The following STARD13 variants were observed in gnomAD, a reference collection of about 807,000 sequenced individuals.
The protein encoded by STARD13 is StAR related lipid transfer domain containing 13, also known as stAR-related lipid transfer protein 13.
A neutral mutation model predicts 106.4 loss-of-function variants in STARD13; 62 were observed. That is an observed-to-expected ratio of 0.58 (90% CI 0.48 to 0.72). The LOEUF (loss-of-function observed/expected upper bound fraction) is 0.72, where lower values mean the gene tolerates loss of function less well. Among genes scored for constraint, STARD13 ranks in the 30% least tolerant of loss-of-function variants. STARD13 has a pLI of 0.00. For synonymous variants in STARD13, 565 were observed against 553.0 expected, an observed-to-expected ratio of 1.02 and a Z score of -0.31; for missense variants, 1,387 against 1,424.0, an observed-to-expected ratio of 0.97 and a Z score of 0.42.
the STARD13 span, among the ~76,000 whole-genome samples, chr13:33,425,541 G>A: frequency 2.6e-5 from 4 of 152,066 alleles, no homozygotes; most frequent in Admixed American, 6.5e-5. Flanking sequence ...GTAATGATTG[G>A]GATCTTTCAC....
intron 1 of STARD13, among the ~76,000 whole-genome samples, chr13:33,216,952 A>G (rs1483997804): frequency 6.6e-6 from 1 of 152,184 alleles, no homozygotes; most frequent in African/African-American, 2.4e-5. Context: ...CAGGGAATCA[A>G]GGCCTTTAGT....
the STARD13 span, among the ~76,000 whole-genome samples, chr13:33,508,421 T>C: frequency 6.6e-6 from 1 of 152,146 alleles, no homozygotes; most frequent in African/African-American, 2.4e-5. Context: ...TGGAAAAAAA[T>C]GTATACTGAT....
chr13:33,137,991 C>T (rs1052233115), intron 4 of STARD13, among the ~76,000 whole-genome samples: 6 of 152,220 alleles, frequency 3.9e-5, no homozygotes, highest in African/African-American at 1.4e-4. Flanking sequence ...CGACGGCATC[C>T]AGGCCAGGAG....
the STARD13 span, chr13:33,657,577 C>A: frequency 6.6e-6 from 1 of 152,218 alleles, no homozygotes; most frequent in South Asian, 2.1e-4. Context: ...AACTTAGGGA[C>A]ATGTTTGGGA....
At chr13:33,482,138 C>G in the STARD13 span, among the ~76,000 whole-genome samples, 1 of 151,996 alleles carries the variant, frequency 6.6e-6, no homozygotes, top group Non-Finnish European at 1.5e-5. Context: ...TACAATTTTA[C>G]TGATGAATTG....
chr13:33,437,422 C>T, the STARD13 span, among the ~76,000 whole-genome samples: 1 of 152,172 alleles, frequency 6.6e-6, no homozygotes, highest in Non-Finnish European at 1.5e-5. Context: ...AAACCCCTTC[C>T]TTCTTTAACT....
At chr13:33,466,930 A>G in the STARD13 span, among the ~76,000 whole-genome samples, 2 of 152,160 alleles carry the variant, frequency 1.3e-5, no homozygotes, top group East Asian at 3.8e-4. Flanking sequence ...CATACTTGGC[A>G]TTCTTCCTGA....
chr13:33,410,140 T>G, the STARD13 span, among the ~76,000 whole-genome samples: 1 of 152,240 alleles, frequency 6.6e-6, no homozygotes, highest in Admixed American at 6.5e-5. Context: ...AATGCAAGCT[T>G]AATAAAAATC....
chr13:33,187,251 C>T (rs1422346576), intron 1 of STARD13, among the ~76,000 whole-genome samples: 5 of 152,188 alleles, frequency 3.3e-5, no homozygotes, highest in Non-Finnish European at 7.3e-5. Flanking sequence ...GGGTCCCGCT[C>T]TATCGGGGTC....
the STARD13 span, among the ~76,000 whole-genome samples, chr13:33,388,896 G>A: frequency 2.0e-5 from 3 of 151,756 alleles, no homozygotes; most frequent in East Asian, 1.9e-4. Flanking sequence ...CTAGTACCTC[G>A]CTGACTCTTT....
At chr13:33,505,905 CA>C in the STARD13 span, among the ~76,000 whole-genome samples, 1 of 152,066 alleles carries the variant, frequency 6.6e-6, no homozygotes, top group Non-Finnish European at 1.5e-5. Flanking sequence ...TTTGCAAGGT[CA>C]AAATTATTTT....
At chr13:33,377,192 A>G in the STARD13 span, among the ~76,000 whole-genome samples, 2 of 152,196 alleles carry the variant, frequency 1.3e-5, no homozygotes, top group African/African-American at 4.8e-5. Flanking sequence ...CTCCTTTTCC[A>G]TCAATAATGA....
the STARD13 span, among the ~76,000 whole-genome samples, chr13:33,667,116 C>T: frequency 1.3e-5 from 2 of 152,208 alleles, no homozygotes; most frequent in Non-Finnish European, 2.9e-5. Context: ...ATATTTTCCT[C>T]TCTGACCACA....
chr13:33,145,086 A>T (rs1880349541), intron 3 of STARD13, among the ~76,000 whole-genome samples: 1 of 152,216 alleles, frequency 6.6e-6, no homozygotes, highest in Admixed American at 6.5e-5. Context: ...CCTGTACCTT[A>T]CAAATTGCTT....
chr13:33,670,599 G>T, the STARD13 span, among the ~76,000 whole-genome samples: 2 of 152,082 alleles, frequency 1.3e-5, no homozygotes, highest in Admixed American at 6.5e-5. Flanking sequence ...TTTTTGTTTT[G>T]ATGCTGTCGT....
At chr13:33,344,683 T>G (rs148633047), downstream of STARD13, among the ~76,000 whole-genome samples, 1 of 152,322 alleles carries the variant, frequency 6.6e-6, no homozygotes, top group African/African-American at 2.4e-5. Context: ...AACTTGAACT[T>G]TTCACTGTTT....
the STARD13 span, among the ~76,000 whole-genome samples, chr13:33,535,441 G>C: frequency 6.6e-6 from 1 of 151,990 alleles, no homozygotes; most frequent in Non-Finnish European, 1.5e-5. Flanking sequence ...AATATATTTT[G>C]TATTTTAAGT....
At chr13:33,369,281 T>C in the STARD13 span, among the ~76,000 whole-genome samples, 89 of 152,096 alleles carry the variant, frequency 5.9e-4, no homozygotes, top group Admixed American at 1.1e-3. Context: ...TTCGTTTTTC[T>C]GCTGACACAG....
chr13:33,190,568 GTTTTC>G lies in STARD13; in HGVS notation c.170-22951_170-22947del, dbSNP rs1232537667. ...ACTGTTGGAATACTGCACCCATTTC[GTTTTC>G]TTTTCTTTTCTTTTCTTTTTTTTTT... On this transcript the variant is annotated intron_variant, in intron 1 of 13. Transcript: ENST00000336934. 7.7e-3 allele frequency among the ~76,000 whole-genome samples: 1,157 copies of G among 149,318 alleles called. 9 individuals carry two copies. The highest frequency in any genetic ancestry group is 0.012 in the Non-Finnish European group (811 of 67,352).
Sources: allele counts gnomAD v4.1 joint callset (sites outside exome capture counted in the v4.1 genomes callset), GRCh38; gene constraint gnomAD v4.1.1; transcripts MANE v1.5; gene names NCBI Gene and HGNC (gene_info 2026-07-23, HGNC 2026-07-21).